CCDC85A: variants seen among roughly 807,000 people sequenced by gnomAD.
CCDC85A encodes the protein coiled-coil domain containing 85A.
In CCDC85A, 38 loss-of-function variants were observed where a neutral mutation model predicts 50.2. That is an observed-to-expected ratio of 0.76 (90% CI 0.58 to 0.99). CCDC85A has a LOEUF of 0.99. Ranked by LOEUF, CCDC85A falls within the 50% of genes least tolerant of loss-of-function variation. The pLI is 0.00. For synonymous variants in CCDC85A, 366 were observed against 301.4 expected (o/e 1.21, Z -2.22); for missense variants, 820 against 742.0 (o/e 1.11, Z -1.22).
At chr2:56,317,416 A>G (rs1263814848) in intron 2 of CCDC85A, among the ~76,000 whole-genome samples, 4 of 152,076 alleles carry the variant, frequency 2.6e-5, no homozygotes, top group Non-Finnish European at 5.9e-5. Context: ...CTTCTCTCCA[A>G]ATGAAACATT....
intron 2 of CCDC85A, among the ~76,000 whole-genome samples, chr2:56,295,539 G>C (rs1172357739): frequency 6.6e-6 from 1 of 152,214 alleles, no homozygotes; most frequent in Non-Finnish European, 1.5e-5. Flanking sequence ...TGCCACTGGA[G>C]TTCACCACCA....
intron 2 of CCDC85A, among the ~76,000 whole-genome samples, chr2:56,250,016 CAGCAGCCA>C (rs1669685373): frequency 6.6e-6 from 1 of 152,164 alleles, no homozygotes; most frequent in Non-Finnish European, 1.5e-5. Flanking sequence ...TCAGTTGTGC[CAGCAGCCA>C]TGAAGGGCAG....
chr2:56,275,308 T>C (rs1670879574), intron 2 of CCDC85A, among the ~76,000 whole-genome samples: 1 of 152,230 alleles, frequency 6.6e-6, no homozygotes, highest in African/African-American at 2.4e-5. Context: ...TTAACATCTT[T>C]TAACTTTTAT....
chr2:56,246,987 A>G (rs994255783), intron 2 of CCDC85A, among the ~76,000 whole-genome samples: 1 of 152,242 alleles, frequency 6.6e-6, no homozygotes, highest in African/African-American at 2.4e-5. Flanking sequence ...TGTGATTATT[A>G]TAATTTTCAA....
chr2:56,246,955 TG>T (rs1437865776), intron 2 of CCDC85A, among the ~76,000 whole-genome samples: 1 of 152,240 alleles, frequency 6.6e-6, no homozygotes, highest in Non-Finnish European at 1.5e-5. Context: ...AATCCAAGTA[TG>T]TGTGAAGTTC....
intron 2 of CCDC85A, among the ~76,000 whole-genome samples, chr2:56,198,712 C>G (rs1676623190): frequency 6.6e-6 from 1 of 152,224 alleles, no homozygotes; most frequent in South Asian, 2.1e-4. Context: ...TTCAACTCCA[C>G]TGACAATGAT....
At chr2:56,328,780 C>T (rs1037482277) in intron 2 of CCDC85A, among the ~76,000 whole-genome samples, 2 of 152,034 alleles carry the variant, frequency 1.3e-5, no homozygotes, top group Admixed American at 6.5e-5. Flanking sequence ...CTCCTGGAGA[C>T]GTATTGAATC....
intron 2 of CCDC85A, among the ~76,000 whole-genome samples, chr2:56,323,741 T>G (rs1282047676): frequency 1.3e-5 from 2 of 152,116 alleles, no homozygotes; most frequent in Admixed American, 6.6e-5. Flanking sequence ...AGCTTCAGAC[T>G]TATTATGTGT....
At chr2:56,329,076 A>G (rs1673627569) in intron 2 of CCDC85A, among the ~76,000 whole-genome samples, 1 of 151,986 alleles carries the variant, frequency 6.6e-6, no homozygotes, top group South Asian at 2.1e-4. Context: ...TTTCCAGGAG[A>G]CAACTGCATC....
chr2:56,301,671 A>G (rs1284905757), intron 2 of CCDC85A, among the ~76,000 whole-genome samples: 11 of 152,198 alleles, frequency 7.2e-5, no homozygotes, highest in Admixed American at 4.6e-4. Flanking sequence ...CATTTTATGC[A>G]TAAGGAATGG....
At chr2:56,195,842 A>G (rs1224435742) in intron 2 of CCDC85A, among the ~76,000 whole-genome samples, 1 of 152,206 alleles carries the variant, frequency 6.6e-6, no homozygotes, top group South Asian at 2.1e-4. Flanking sequence ...AACAAAAAGC[A>G]TGTGAAAACA....
chr2:56,361,041 C>T (rs1675495673), intron 3 of CCDC85A, among the ~76,000 whole-genome samples: 1 of 152,150 alleles, frequency 6.6e-6, no homozygotes, highest in African/African-American at 2.4e-5. Flanking sequence ...ATCACAAGGT[C>T]AGGAGATCGA....
chr2:56,314,636 A>C (rs1340808694), intron 2 of CCDC85A, among the ~76,000 whole-genome samples: 4 of 151,918 alleles, frequency 2.6e-5, no homozygotes, highest in Non-Finnish European at 5.9e-5. Context: ...TTCTTCCCCC[A>C]GTTTGTTGAT....
intron 2 of CCDC85A, among the ~76,000 whole-genome samples, chr2:56,282,908 A>G (rs1420866183): frequency 6.6e-6 from 1 of 152,174 alleles, no homozygotes; most frequent in South Asian, 2.1e-4. Flanking sequence ...TTCATTCCTA[A>G]TGACTTAATT....
At position 56,381,012 on chromosome 2, in the gene CCDC85A, C is replaced by T. The variant is rs557878031; in HGVS notation, c.1573-3254C>T. ...TATTCTCAGACACTTACGCATCAAC[C>T]TCCTCGAGGTGTTTCTGGAATCCAG... On this transcript the variant is annotated intron_variant, in intron 5 of 5. Transcript: ENST00000407595. Among the ~76,000 whole-genome samples, 62 of 152,226 alleles carry T rather than the reference C, an allele frequency of 4.1e-4. 1 individual carries two copies. Among genetic ancestry groups the T allele is most frequent in the Admixed American group, 3.6e-3 (55 of 15,266 alleles).
At chr2:56,368,763 A>G (rs1675928189) in intron 3 of CCDC85A, among the ~76,000 whole-genome samples, 1 of 151,694 alleles carries the variant, frequency 6.6e-6, no homozygotes, top group African/African-American at 2.4e-5. Context: ...GTATTACTCT[A>G]TTGAATGTGA....
chr2:56,386,046 CT>C lies in CCDC85A; in HGVS notation c.*1695del, dbSNP rs1019466058. ...AGAAGCTAATACAAGGGACACTGGT[CT>C]TTTGACAAAATAAACTTGTGTAAAT... On this transcript the variant is annotated 3_prime_UTR_variant, in exon 6 of 6. Transcript: ENST00000407595. 1 of 152,146 alleles carries C rather than the reference CT, an allele frequency of 6.6e-6. No individual in the cohort carries two copies. Among genetic ancestry groups the C allele is most frequent in the African/African-American group, 2.4e-5 (1 of 41,384 alleles). 9.4% of individuals were successfully genotyped at this position (152,146 alleles called of 1,614,324 possible). A position where few individuals can be genotyped will look rare whatever the true frequency, so the allele number is the denominator to read the frequency against.
intron 5 of CCDC85A, among the ~76,000 whole-genome samples, chr2:56,383,162 T>TA (rs1167572012): frequency 6.6e-6 from 1 of 151,994 alleles, no homozygotes; most frequent in Non-Finnish European, 1.5e-5. Flanking sequence ...GAAATGAAGG[T>TA]AAACAGAGCC....
intron 2 of CCDC85A, among the ~76,000 whole-genome samples, chr2:56,239,144 C>G (rs116290964): frequency 6.6e-6 from 1 of 152,086 alleles, no homozygotes; most frequent in African/African-American, 2.4e-5. Context: ...GTTCCCTAAG[C>G]AGACATTTCA....
Sources: allele counts gnomAD v4.1 joint callset (sites outside exome capture counted in the v4.1 genomes callset), GRCh38; gene constraint gnomAD v4.1.1; transcripts MANE v1.5; gene names NCBI Gene and HGNC (gene_info 2026-07-23, HGNC 2026-07-21).